RBMS1: variants seen among roughly 807,000 people sequenced by gnomAD.
The protein encoded by RBMS1 is RNA-binding motif, single-stranded-interacting protein 1.
In RBMS1, 17 loss-of-function variants were observed where a neutral mutation model predicts 62.3. The ratio of observed to expected loss-of-function variants is 0.27; its 90% CI spans 0.19 to 0.41. The LOEUF (loss-of-function observed/expected upper bound fraction) is 0.41. RBMS1 is among the 10% of genes least tolerant of loss of function. The pLI, the probability that RBMS1 is intolerant of heterozygous loss-of-function variation, is 1.00. For missense variants in RBMS1, 334 were observed against 504.5 expected (o/e 0.66, Z 3.24); for synonymous variants, 172 against 170.0 (o/e 1.01, Z -0.09).
At chr2:160,468,900 C>G (rs1159173336) in intron 1 of RBMS1, among the ~76,000 whole-genome samples, 7 of 152,160 alleles carry the variant, frequency 4.6e-5, no homozygotes, top group Non-Finnish European at 8.8e-5. Flanking sequence ...TGCCTTTACC[C>G]ATGGATAGGG....
chr2:160,438,749 T>A (rs1463051960), intron 1 of RBMS1, among the ~76,000 whole-genome samples: 1 of 152,260 alleles, frequency 6.6e-6, no homozygotes, highest in Non-Finnish European at 1.5e-5. Context: ...ATTGTCATCA[T>A]GGCCCGTTCT....
chr2:160,295,990 T>C (rs1173649655), intron 6 of RBMS1, among the ~76,000 whole-genome samples: 4 of 152,346 alleles, frequency 2.6e-5, no homozygotes, highest in Non-Finnish European at 4.4e-5. Context: ...GTAGGTGGAA[T>C]AGTCCCTTCA....
At chr2:160,299,973 C>G (rs893596574) in intron 6 of RBMS1, among the ~76,000 whole-genome samples, 4 of 152,152 alleles carry the variant, frequency 2.6e-5, no homozygotes, top group African/African-American at 9.7e-5. Context: ...AGGATTAATT[C>G]AGGTTCAGCA....
At chr2:160,356,451 G>A (rs1411410465) in intron 2 of RBMS1, among the ~76,000 whole-genome samples, 1 of 152,020 alleles carries the variant, frequency 6.6e-6, no homozygotes, top group Non-Finnish European at 1.5e-5. Context: ...AGGAAGCAAG[G>A]GTGCTGATGA....
At chr2:160,336,754 G>C (rs1442591658) in intron 2 of RBMS1, among the ~76,000 whole-genome samples, 10 of 151,990 alleles carry the variant, frequency 6.6e-5, no homozygotes, top group African/African-American at 2.4e-4. Flanking sequence ...ATCTCTATTT[G>C]GACTCGCCAC....
At chr2:160,290,231 C>T (rs1381164899) in intron 6 of RBMS1, among the ~76,000 whole-genome samples, 1 of 150,622 alleles carries the variant, frequency 6.6e-6, no homozygotes, top group East Asian at 2.0e-4. Context: ...ATAGAGCGTA[C>T]CTTTCAGCTG....
chr2:160,323,608 G>GAAAAAAAAAAA (rs1491379305), intron 2 of RBMS1, among the ~76,000 whole-genome samples: 1 of 84,738 alleles, frequency 1.2e-5, no homozygotes. Context: ...AGAATTTCAT[G>GAAAAAAAAAAA]AAAGAAAAAA....
intron 1 of RBMS1, among the ~76,000 whole-genome samples, chr2:160,379,808 A>C (rs1304428035): frequency 6.6e-6 from 1 of 152,200 alleles, no homozygotes; most frequent in Non-Finnish European, 1.5e-5. Context: ...CAAAATGTGC[A>C]CATTGCTAGT....
chr2:160,318,336 A>G, intron 2 of RBMS1, 109 bp from the exon 3 acceptor site: 1 of 1,389,864 alleles, frequency 7.2e-7, no homozygotes, highest in Non-Finnish European at 9.4e-7. Flanking sequence ...CTTTTCAAAC[A>G]TCTGCAAACT....
At chr2:160,364,669 T>C (rs963819212) in intron 2 of RBMS1, among the ~76,000 whole-genome samples, 3 of 152,242 alleles carry the variant, frequency 2.0e-5, no homozygotes, top group African/African-American at 7.2e-5. Context: ...AACACAGTTT[T>C]TAAAAAATAT....
At chr2:160,301,753 T>C (rs2105951202) in intron 5 of RBMS1, among the ~76,000 whole-genome samples, 1 of 152,340 alleles carries the variant, frequency 6.6e-6, no homozygotes, top group Non-Finnish European at 1.5e-5. Flanking sequence ...ATGAACCAAG[T>C]ACTAGCCCCT....
intron 2 of RBMS1, among the ~76,000 whole-genome samples, chr2:160,335,691 C>G (rs1456488404): frequency 1.3e-5 from 2 of 152,150 alleles, no homozygotes; most frequent in Non-Finnish European, 2.9e-5. Flanking sequence ...AAAAACTTCC[C>G]AGTCGAGAAG....
intron 6 of RBMS1, among the ~76,000 whole-genome samples, chr2:160,289,066 G>T (rs1688551081): frequency 6.6e-6 from 1 of 151,956 alleles, no homozygotes; most frequent in Non-Finnish European, 1.5e-5. Flanking sequence ...CTGTGGATAA[G>T]GTGCTTCTAA....
At chr2:160,375,343 T>C (rs116304175) in intron 1 of RBMS1, among the ~76,000 whole-genome samples, 83 of 152,322 alleles carry the variant, frequency 5.4e-4, no homozygotes, top group African/African-American at 1.9e-3. Context: ...ATTCCCGACT[T>C]AGTCATAAGT....
At chr2:160,469,599 T>G (rs1485894778) in intron 1 of RBMS1, among the ~76,000 whole-genome samples, 2 of 152,210 alleles carry the variant, frequency 1.3e-5, no homozygotes, top group Admixed American at 1.3e-4. Context: ...ACAGACCCTT[T>G]TCTTCAGGGA....
rs565499426 is a variant in RBMS1 at position 160,313,582 on chromosome 2, GA to G, written c.311-336del. ...AAAAAGAAATTTAAAAAAAAAGGAA[GA>G]AAAAAAATAATCAACTTCAGGGAAA... On this transcript the variant is annotated intron_variant, in intron 3 of 13. Transcript: ENST00000348849. Among the ~76,000 whole-genome samples, 298 of 151,674 alleles carry G rather than the reference GA, an allele frequency of 2.0e-3. 2 individuals are homozygous for G. Among genetic ancestry groups the G allele is most frequent in the African/African-American group, 6.3e-3 (259 of 41,350 alleles).
At chr2:160,276,339 TACCACC>T (rs373432177) in intron 12 of RBMS1, among the ~76,000 whole-genome samples, 5 of 150,740 alleles carry the variant, frequency 3.3e-5, no homozygotes, top group South Asian at 2.1e-4. Flanking sequence ...AAAATACTAC[TACCACC>T]ACCACCACCA....
At chr2:160,371,888 G>A (rs929534775) in intron 1 of RBMS1, among the ~76,000 whole-genome samples, 26 of 152,034 alleles carry the variant, frequency 1.7e-4, no homozygotes, top group African/African-American at 6.3e-4. Flanking sequence ...ACAGGCACAG[G>A]GCAACTATAC....
intron 1 of RBMS1, among the ~76,000 whole-genome samples, chr2:160,454,919 T>C (rs759663893): frequency 1.1e-4 from 16 of 152,234 alleles, no homozygotes; most frequent in Admixed American, 5.2e-4. Flanking sequence ...AGTATAATAA[T>C]TATTTGAACA....
Sources: gnomAD v4.1 joint callset for allele counts (sites outside exome capture counted in the v4.1 genomes callset) on GRCh38, gnomAD v4.1.1 for gene constraint, MANE v1.5 for transcripts, NCBI Gene and HGNC (gene_info 2026-07-23, HGNC 2026-07-21) for gene names.